The following ARHGAP20 variants were observed in gnomAD, a reference collection of about 807,000 sequenced individuals.
ARHGAP20 encodes the protein rho GTPase-activating protein 20.
A neutral mutation model predicts 73.7 loss-of-function variants in ARHGAP20; 34 were observed. That is an observed-to-expected ratio of 0.46 (90% CI 0.35 to 0.61). The LOEUF (loss-of-function observed/expected upper bound fraction) is 0.61, where lower values mean the gene tolerates loss of function less well. Among genes scored for constraint, ARHGAP20 ranks in the 20% least tolerant of loss-of-function variants. The probability of loss-of-function intolerance (pLI) is 0.00; values close to 1 mark genes in which losing one functional copy is unlikely to be tolerated. For synonymous variants in ARHGAP20, 523 were observed against 518.2 expected (o/e 1.01, Z -0.13); for missense variants, 1,314 against 1,420.9 (o/e 0.92, Z 1.21).
chr11:110,627,755 A>T (rs1234893224), intron 3 of ARHGAP20, among the ~76,000 whole-genome samples: 1 of 152,158 alleles, frequency 6.6e-6, no homozygotes, highest in African/African-American at 2.4e-5. Flanking sequence ...CCTTTCTGTA[A>T]ATTCCATATG....
In ARHGAP20 at chr11:110,581,038, T is replaced by C; in HGVS notation, c.1908A>G (p.Leu636=). 1 of 1,614,130 alleles carries C rather than the reference T, an allele frequency of 6.2e-7. No homozygotes were observed. The highest frequency in any genetic ancestry group is 8.5e-7 in the Non-Finnish European group (1 of 1,180,020). Residue 636 remains leucine, a synonymous_variant, in exon 15 of 15, where the codon CTA becomes CTG. Transcript: ENST00000683387. ...TAGAATGGGCCAAGTCAAAGTCGCT[T>C]AGGGTTAAAAGGCCTTCCACCTCGG... ...DQPEVEGLLT[L]SDFDLAHSKD...
rs776441881 is a variant in ARHGAP20 at position 110,624,217 on chromosome 11, C to T, written c.448G>A (p.Ala150Thr). ...VDEVGEGNTN[A>T]MKSFVLGWPT... is the part of the protein sequence containing the mutation. ...CAGCCCAAAACAAAGGATTTCATGG[C>T]ATTGGTGTTGCCTTCTCCCACTTCA... The change falls in exon 4 of 15, where the codon GCC becomes ACC. Residue 150 changes from alanine to threonine, a missense_variant. Physicochemically the swap from Ala to Thr is moderately conservative, Grantham distance 58. Around this residue, in one of 3 missense-constraint regions of ARHGAP20, gnomAD observed 443 missense variants for 466.4 expected, o/e 0.95. Coordinates refer to ENST00000683387, the MANE Select transcript of ARHGAP20 (RefSeq NM_001384657.1). 3.1e-6 allele frequency: 5 copies of T among 1,613,112 alleles called. No individual in the cohort carries two copies. Among genetic ancestry groups the T allele is most frequent in the African/African-American group, 1.3e-5 (1 of 74,874 alleles).
intron 1 of ARHGAP20, among the ~76,000 whole-genome samples, chr11:110,699,548 T>C (rs888836607): frequency 6.6e-6 from 1 of 151,900 alleles, no homozygotes; most frequent in Admixed American, 6.6e-5. Flanking sequence ...TTTTCTTAGG[T>C]GTAGTAGTAT....
chr11:110,586,380 T>C, intron 11 of ARHGAP20, 55 bp from the exon 12 acceptor site: 2 of 1,126,362 alleles, frequency 1.8e-6, no homozygotes, highest in Non-Finnish European at 2.5e-6. Flanking sequence ...GCCAAATATG[T>C]ATTAGAGAAA....
chr11:110,641,116 T>C (rs1261550762), intron 2 of ARHGAP20, among the ~76,000 whole-genome samples: 3 of 152,006 alleles, frequency 2.0e-5, no homozygotes, highest in Non-Finnish European at 4.4e-5. Context: ...ATTATCAAGA[T>C]GCTGATGGGA....
intron 4 of ARHGAP20, among the ~76,000 whole-genome samples, chr11:110,621,760 T>C (rs1421990057): frequency 1.3e-5 from 2 of 152,246 alleles, no homozygotes; most frequent in Admixed American, 6.5e-5. Flanking sequence ...TTGGTCTCTA[T>C]TGATTATCTT....
chr11:110,631,511 T>C (rs926306942), intron 2 of ARHGAP20, among the ~76,000 whole-genome samples: 1 of 152,198 alleles, frequency 6.6e-6, no homozygotes, highest in Non-Finnish European at 1.5e-5. Context: ...TTTTAGCCAG[T>C]AACAGCCTGC....
At chr11:110,654,418 A>T (rs1949422403) in intron 2 of ARHGAP20, among the ~76,000 whole-genome samples, 1 of 152,194 alleles carries the variant, frequency 6.6e-6, no homozygotes, top group African/African-American at 2.4e-5. Flanking sequence ...AATGATCACA[A>T]ATTAGTGCTA....
intron 2 of ARHGAP20, among the ~76,000 whole-genome samples, chr11:110,646,146 C>G (rs559558031): frequency 6.6e-6 from 1 of 152,136 alleles, no homozygotes. Flanking sequence ...CACCTAATAA[C>G]TCCTATTTAG....
intron 3 of ARHGAP20, among the ~76,000 whole-genome samples, chr11:110,627,392 C>T (rs1948769143): frequency 6.6e-6 from 1 of 152,086 alleles, no homozygotes; most frequent in Admixed American, 6.6e-5. Flanking sequence ...TGCGCCTGGC[C>T]AAATTCTTTA....
At chr11:110,671,881 G>A (rs948089510) in intron 2 of ARHGAP20, among the ~76,000 whole-genome samples, 4 of 152,058 alleles carry the variant, frequency 2.6e-5, no homozygotes, top group African/African-American at 7.2e-5. Flanking sequence ...GAGTGAAAAC[G>A]TATGTACTTT....
At chr11:110,614,284 T>C (rs1449971446) in intron 6 of ARHGAP20, among the ~76,000 whole-genome samples, 1 of 152,234 alleles carries the variant, frequency 6.6e-6, no homozygotes, top group African/African-American at 2.4e-5. Context: ...GACAGAGACA[T>C]GTCACAAGCA....
chr11:110,589,397 T>G, intron 11 of ARHGAP20: 3 of 984,752 alleles, frequency 3.0e-6, no homozygotes, highest in Non-Finnish European at 3.6e-6. Context: ...GTATATAAAG[T>G]CATGAAGTAA....
At position 110,580,033 on chromosome 11, in the gene ARHGAP20, A is replaced by G; in HGVS notation, c.2913T>C (p.Thr971=). ...SEHSVFTPTE[T]SSPIDCTFQA... is the part of the protein sequence containing the mutation. Reference sequence around the variant, plus strand: ...GAAAAGTGCAATCTATTGGAGAGGAAGTCTCAGTGGGTGTAAACACAGAGT... The same window carrying G: ...GAAAAGTGCAATCTATTGGAGAGGAGGTCTCAGTGGGTGTAAACACAGAGT... Residue 971 remains threonine (T), a synonymous_variant, in exon 15 of 15, where the codon ACT becomes ACC. Coordinates refer to ENST00000683387, the MANE Select transcript of ARHGAP20 (RefSeq NM_001384657.1). 6.2e-7 allele frequency: 1 copy of G among 1,614,204 alleles called. No individual in the cohort carries two copies. Among genetic ancestry groups the G allele is most frequent in the Non-Finnish European group, 8.5e-7 (1 of 1,180,028 alleles).
intron 2 of ARHGAP20, among the ~76,000 whole-genome samples, chr11:110,654,412 A>T (rs1437503014): frequency 6.6e-6 from 1 of 152,198 alleles, no homozygotes; most frequent in African/African-American, 2.4e-5. Context: ...AATCACAATG[A>T]TCACAAATTA....
chr11:110,607,935 T>C (rs936914743), intron 8 of ARHGAP20, among the ~76,000 whole-genome samples: 2 of 152,190 alleles, frequency 1.3e-5, no homozygotes, highest in Non-Finnish European at 2.9e-5. Flanking sequence ...TTCAAGTGTT[T>C]GATTTTTAAT....
chr11:110,603,066 T>C (rs1948146229), intron 9 of ARHGAP20, among the ~76,000 whole-genome samples: 1 of 152,224 alleles, frequency 6.6e-6, no homozygotes, highest in African/African-American at 2.4e-5. Flanking sequence ...ATTGTTTTGA[T>C]CAGTGGTACT....
chr11:110,700,833 T>C (rs900954086), intron 1 of ARHGAP20, among the ~76,000 whole-genome samples: 1 of 149,644 alleles, frequency 6.7e-6, no homozygotes, highest in African/African-American at 2.5e-5. Flanking sequence ...AGTGAGAATA[T>C]GCGGTGTTTG....
At chr11:110,601,704 C>T (rs918747903) in intron 9 of ARHGAP20, among the ~76,000 whole-genome samples, 1 of 152,106 alleles carries the variant, frequency 6.6e-6, no homozygotes, top group African/African-American at 2.4e-5. Context: ...AAACTTTAGG[C>T]CAGGCATGGT....
Sources: allele counts gnomAD v4.1 joint callset (sites outside exome capture counted in the v4.1 genomes callset), GRCh38; gene constraint gnomAD v4.1.1; regional missense constraint gnomAD v4.1.1; transcripts MANE v1.5; gene names NCBI Gene and HGNC (gene_info 2026-07-23, HGNC 2026-07-21).